Variants in GANC observed in about 807,000 individuals in gnomAD.
GANC encodes glucosidase alpha, neutral C, also known as neutral alpha-glucosidase C.
Under a neutral mutation model 124.2 loss-of-function variants are expected in GANC, and 117 were observed. The ratio of observed to expected loss-of-function variants is 0.94; its 90% confidence interval spans 0.81 to 1.10. GANC has a LOEUF of 1.10. Ranked by LOEUF, GANC falls within the 50% of genes least tolerant of loss-of-function variation. The pLI, the probability that GANC is intolerant of heterozygous loss-of-function variation, is 0.00. For synonymous variants in GANC, 377 were observed against 376.8 expected (o/e 1.00, Z -0.01); for missense variants, 1,140 against 1,095.0 (o/e 1.04, Z -0.58).
intron 5 of GANC, among the ~76,000 whole-genome samples, chr15:42,296,793 A>G (rs1412140470): frequency 6.6e-6 from 1 of 151,496 alleles, no homozygotes; most frequent in Non-Finnish European, 1.5e-5. Context: ...TAATAAAAGT[A>G]TGCTGTATAT....
intron 5 of GANC, 71 bp downstream of exon 5, chr15:42,292,988 T>A (rs1158570971): frequency 7.2e-6 from 10 of 1,397,316 alleles, no homozygotes; most frequent in Middle Eastern, 2.1e-4. Context: ...GTTGCCTAAA[T>A]AGATAACATA....
At chr15:42,326,197 T>G (rs772110194) in intron 11 of GANC, 101 bp from the exon 12 acceptor site, 102 of 767,634 alleles carry the variant, frequency 1.3e-4, no homozygotes, top group Non-Finnish European at 2.0e-4. Flanking sequence ...TAGTTGTAGT[T>G]GTTTGTAAAA....
chr15:42,292,616 T>G, intron 4 of GANC, 119 bp from the exon 5 acceptor site: 1 of 980,862 alleles, frequency 1.0e-6, no homozygotes, highest in Non-Finnish European at 1.5e-6. Flanking sequence ...CTCTGTTGCC[T>G]TATCTATGGC....
chr15:42,290,327 A>G (rs2051829396), intron 4 of GANC, among the ~76,000 whole-genome samples: 2 of 152,224 alleles, frequency 1.3e-5, no homozygotes, highest in South Asian at 2.1e-4. Context: ...TCAGGGCTTT[A>G]AATTCTTAGC....
At chr15:42,280,214 T>C (rs2051718261) in intron 3 of GANC, among the ~76,000 whole-genome samples, 1 of 152,188 alleles carries the variant, frequency 6.6e-6, no homozygotes, top group Non-Finnish European at 1.5e-5. Flanking sequence ...GTACTGATTC[T>C]TACACCACCC....
chr15:42,314,353 T>C (rs1450326319), intron 10 of GANC: 4 of 539,546 alleles, frequency 7.4e-6, no homozygotes, highest in Non-Finnish European at 1.3e-5. Context: ...GGGATCTATA[T>C]TGGAAGGCAT....
chr15:42,333,489 T>C (rs528748508), intron 15 of GANC, among the ~76,000 whole-genome samples: 24 of 152,324 alleles, frequency 1.6e-4, no homozygotes, highest in African/African-American at 5.3e-4. Flanking sequence ...CTTTTATGGC[T>C]GTCTTTGGTG....
chr15:42,292,585 C>A, intron 4 of GANC, 150 bp from the exon 5 acceptor site: 1 of 678,722 alleles, frequency 1.5e-6, no homozygotes, highest in Non-Finnish European at 2.4e-6. Flanking sequence ...GGCATCAAAG[C>A]CAATGCTCTC....
chr15:42,332,336 A>G (rs1242164747), intron 15 of GANC, among the ~76,000 whole-genome samples: 2 of 152,220 alleles, frequency 1.3e-5, no homozygotes, highest in African/African-American at 2.4e-5. Context: ...CACAAAAAAA[A>G]GTATTTTTAA....
chr15:42,273,308 G>T lies in GANC; in HGVS notation c.-1174G>T. The T allele has an allele frequency of 6.2e-7, 1 of 1,614,174 alleles. No individual in the cohort carries two copies. Among genetic ancestry groups the T allele is most frequent in the Non-Finnish European group, 8.5e-7 (1 of 1,180,042 alleles). On this transcript the variant is annotated 5_prime_UTR_variant, in exon 1 of 24. Transcript: ENST00000318010. ...CGGTCGGCAGCAGCTACGGTTGCCG[G>T]TCCCGCACTGAAAAACGACAGTGGT... is the stretch of plus-strand genomic sequence containing the variant.
At chr15:42,348,636 C>A (rs1270391468) in intron 21 of GANC, among the ~76,000 whole-genome samples, 1 of 152,210 alleles carries the variant, frequency 6.6e-6, no homozygotes, top group East Asian at 1.9e-4. Context: ...CTAAAACCCC[C>A]TTGGGCAAAG....
rs149924895 is a variant in GANC, at chr15:42,339,816, G to A, written c.1991G>A (p.Arg664Gln). The A allele has an allele frequency of 7.5e-5, 121 of 1,614,068 alleles. No individual in the cohort carries two copies. The African/African-American group carries it at 1.3e-3, about 17-fold the overall frequency. Residue 664 changes from arginine to glutamine, a missense_variant, in exon 17 of 24, where the codon CGA becomes CAA. Physicochemically the swap from Arg to Gln is conservative, Grantham distance 43 (BLOSUM62 1). Transcript: ENST00000318010. ...TGGCTCTTTGGGGAGGAACACACCCGACTCATCCGAGAAGCCATCAGAGAG... is the reference window on the plus strand; with the variant it reads ...TGGCTCTTTGGGGAGGAACACACCCAACTCATCCGAGAAGCCATCAGAGAG... The part of the protein sequence containing the change: ...EPWLFGEEHT[R>Q]LIREAIRERY...
At chr15:42,299,482 T>C (rs1338634221) in intron 6 of GANC, among the ~76,000 whole-genome samples, 1 of 152,212 alleles carries the variant, frequency 6.6e-6, no homozygotes, top group Non-Finnish European at 1.5e-5. Context: ...ATTGAGGATT[T>C]TCACATTGAT....
rs2051867363 is a variant in GANC at position 42,293,957 on chromosome 15, A to G, written c.512+1040A>G. Among the ~76,000 whole-genome samples, 3 of 151,540 alleles carry G rather than the reference A, an allele frequency of 2.0e-5. No homozygotes were observed. The South Asian group carries it at 6.2e-4, about 31-fold the overall frequency. On this transcript the variant is annotated intron_variant, in intron 5 of 23. Transcript: ENST00000318010. ...TCCCAGTTACTTGGGAGGCTGAGGT[A>G]GGAGGATCACTTGAGCCCAGGAGGT...
At chr15:42,329,154 ATGT>A in intron 13 of GANC, 149 bp from the exon 14 acceptor site, 1 of 736,864 alleles carries the variant, frequency 1.4e-6, no homozygotes, top group Non-Finnish European at 2.2e-6. Context: ...AACAGACAAA[ATGT>A]TGTTCCCTGT....
At chr15:42,339,023 C>G (rs1186028924) in intron 16 of GANC, among the ~76,000 whole-genome samples, 1 of 152,118 alleles carries the variant, frequency 6.6e-6, no homozygotes, top group Non-Finnish European at 1.5e-5. Flanking sequence ...TGAGCGATCT[C>G]AATATGGAGG....
Position 42,329,420 on chromosome 15 carries a change from G to A in GANC, c.1615G>A (p.Glu539Lys), listed in dbSNP as rs1286763154. ...TCATCATGGCAATTGGGAGCACAGA[G>A]AGCTCCACAACATCTACGGTTTTTA... ...AIHHGNWEHR[E>K]LHNIYGFYHQ... Residue 539 changes from glutamate to lysine, a missense_variant, in exon 14 of 24, where the codon GAG (glutamate) becomes AAG (lysine). Glu to Lys is a moderately conservative substitution (Grantham distance 56). Transcript: ENST00000318010. The A allele has an allele frequency of 6.2e-7, 1 of 1,613,406 alleles. No individual in the cohort carries two copies. The highest frequency in any genetic ancestry group is 8.5e-7 in the Non-Finnish European group (1 of 1,179,782).
chr15:42,353,533 T>C lies in GANC; in HGVS notation c.*1394T>C, dbSNP rs1446595893. On this transcript the variant is annotated 3_prime_UTR_variant, in exon 24 of 24. Coordinates refer to ENST00000318010, the MANE Select transcript of GANC (RefSeq NM_198141.3). ...AGTATGTCTGCGTTCTCCTACTAGA[T>C]TGTATGTCCCTCAAGAGCATGTTCT... The C allele has an allele frequency of 3.1e-6, 3 of 978,078 alleles. No individual in the cohort carries two copies. The highest frequency in any genetic ancestry group is 3.6e-6 in the Non-Finnish European group (3 of 823,290). 60.6% of individuals were successfully genotyped at this position (978,078 alleles called of 1,614,324 possible).
chr15:42,352,347 G>C lies in GANC; in HGVS notation c.*208G>C, dbSNP rs887946194. ...TTAAGATGTACTAACAATATTCCTT[G>C]TATCAAACATCTCCTTTTCTCCCTG... On this transcript the variant is annotated 3_prime_UTR_variant, in exon 24 of 24. Transcript: ENST00000318010. The C allele has an allele frequency of 2.4e-5, 33 of 1,363,490 alleles. No homozygotes were observed. The African/African-American group carries it at 4.1e-4, about 17-fold the overall frequency. The allele number at this position is 1,363,490 out of a possible 1,614,324, so 84.5% of individuals were successfully genotyped here.
Sources: gnomAD v4.1 joint callset for allele counts (sites outside exome capture counted in the v4.1 genomes callset) on GRCh38, gnomAD v4.1.1 for gene constraint, MANE v1.5 for transcripts, NCBI Gene and HGNC (gene_info 2026-07-23, HGNC 2026-07-21) for gene names.